The following ANO7 variants were observed in gnomAD, a reference collection of about 807,000 sequenced individuals.
The protein encoded by ANO7 is anoctamin-7.
ANO7 carries 114 observed loss-of-function variants against 115.8 expected under a neutral mutation model. The observed-to-expected ratio is 0.98, with a 90% confidence interval of 0.85 to 1.15. The LOEUF is 1.15. Ranked by LOEUF, ANO7 falls within the 50% of genes most tolerant of loss-of-function variation. The probability of loss-of-function intolerance (pLI) is 0.00; values close to 1 mark genes in which losing one functional copy is unlikely to be tolerated. For synonymous variants in ANO7, 550 were observed against 498.2 expected (o/e 1.10, Z -1.38); for missense variants, 1,302 against 1,201.2 (o/e 1.08, Z -1.24).
intron 24 of ANO7, 29 bp from the exon 25 acceptor site, chr2:241,224,068 C>G (rs2069096884): frequency 1.2e-6 from 2 of 1,613,664 alleles, no homozygotes; most frequent in South Asian, 1.1e-5. Context: ...CCTAGTCTGA[C>G]TTGTCCCTGC....
intron 7 of ANO7, 55 bp from the exon 8 acceptor site, chr2:241,202,139 C>G (rs1372374604): frequency 6.7e-7 from 1 of 1,500,016 alleles, no homozygotes; most frequent in East Asian, 2.3e-5. Flanking sequence ...CTAGGACTTC[C>G]CTGTTCTGCT....
In ANO7 at chr2:241,203,859, C is replaced by T. The variant is rs561919814; in HGVS notation, c.889+361C>T. Among the ~76,000 whole-genome samples the T allele has an allele frequency of 6.6e-6, 1 of 152,052 alleles. No individual in the cohort carries two copies. The highest frequency in any genetic ancestry group is 1.5e-5 in the Non-Finnish European group (1 of 67,986). On this transcript the variant is annotated intron_variant, in intron 9 of 24. Transcript: ENST00000674324. The surrounding 1 kb of genome is among the most constrained non-coding windows in gnomAD (Gnocchi z 4.8). ...CGCCCCTGCCTGGGTCCAGGCCAAG[C>T]CTCTCATCTCCTCCAAGCAGGCCAT...
In ANO7 at chr2:241,214,921, C is replaced by T. The variant is rs751724861; in HGVS notation, c.1826+19C>T. The T allele has an allele frequency of 6.2e-7, 1 of 1,607,364 alleles. No individual in the cohort carries two copies. The highest frequency in any genetic ancestry group is 1.1e-5 in the South Asian group (1 of 90,920). On this transcript the variant is annotated intron_variant, in intron 18 of 24. Transcript: ENST00000674324. Reference sequence around the variant, plus strand: ...TCATCCCGTGAGTCCCCCACTCCTCCCTGGGTGGCATCCAAGGACCGAGGG... The same window carrying T: ...TCATCCCGTGAGTCCCCCACTCCTCTCTGGGTGGCATCCAAGGACCGAGGG...
intron 11 of ANO7, 103 bp from the exon 12 acceptor site, chr2:241,209,182 T>C: frequency 1.5e-6 from 2 of 1,299,304 alleles, no homozygotes; most frequent in Non-Finnish European, 2.1e-6. Context: ...AGTCGGGGGA[T>C]GTGTGTGGGA....
At chr2:241,198,641 C>T (rs1447037573) in intron 4 of ANO7, among the ~76,000 whole-genome samples, 3 of 152,186 alleles carry the variant, frequency 2.0e-5, no homozygotes, top group South Asian at 2.1e-4. Context: ...AAGGTGGGGC[C>T]GGGACTTTGG....
At chr2:241,200,608 G>A (rs2068449073) in intron 6 of ANO7, among the ~76,000 whole-genome samples, 2 of 152,216 alleles carry the variant, frequency 1.3e-5, no homozygotes, top group Admixed American at 1.3e-4. Flanking sequence ...GACACGTTTG[G>A]CCCATGCTGG....
At chr2:241,226,090 C>T (rs2069161775), downstream of ANO7, among the ~76,000 whole-genome samples, 1 of 152,104 alleles carries the variant, frequency 6.6e-6, no homozygotes, top group Non-Finnish European at 1.5e-5. Flanking sequence ...CATCACCCGA[C>T]GTGGAAGCTC....
In ANO7 at chr2:241,188,846, C is replaced by G. The variant is rs2068118978; in HGVS notation, c.-8+80C>G. The G allele has an allele frequency of 1.3e-6, 2 of 1,523,460 alleles. No homozygotes were observed. The allele number at this position is 1,523,460 out of a possible 1,614,324, so 94.4% of individuals were successfully genotyped here. A position where few individuals can be genotyped will look rare whatever the true frequency, so the allele number is the denominator to read the frequency against. ...CTAGGGAGGCAGGGCGGCACCCCAG[C>G]CCACCGGGACTTTCACACACCCTGG... On this transcript the variant is annotated intron_variant, in intron 1 of 24. Coordinates refer to ENST00000674324, the MANE Select transcript of ANO7 (RefSeq NM_001370694.2). The surrounding 1 kb of genome is among the most constrained non-coding windows in gnomAD (Gnocchi z 4.3).
chr2:241,200,201 G>T lies in ANO7; in HGVS notation c.530G>T (p.Arg177Leu), dbSNP rs369064125. Reference sequence around the variant, plus strand: ...GTACCCCCCGAGTACTACTCCTGCCGGTTCAGAGTGAACAAGCTGCCACGG... The same window carrying T: ...GTACCCCCCGAGTACTACTCCTGCCTGTTCAGAGTGAACAAGCTGCCACGG... ...PDVPPEYYSC[R>L]FRVNKLPRFL... The change falls in exon 6 of 25, where the codon CGG becomes CTG. Residue 177 changes from arginine (R) to leucine (L), a missense_variant. Physicochemically the swap from Arg to Leu is moderately radical, Grantham distance 102. Coordinates refer to ENST00000674324, the MANE Select transcript of ANO7 (RefSeq NM_001370694.2). 1 of 1,612,992 alleles carries T rather than the reference G, an allele frequency of 6.2e-7. No homozygotes were observed. The highest frequency in any genetic ancestry group is 1.1e-5 in the South Asian group (1 of 91,060).
chr2:241,215,648 G>A (rs376927075), intron 18 of ANO7, among the ~76,000 whole-genome samples: 4 of 152,328 alleles, frequency 2.6e-5, no homozygotes, highest in South Asian at 2.1e-4. Flanking sequence ...AGCAGGGCAC[G>A]GATGAGTGAC....
Position 241,209,319 on chromosome 2 carries a change from T to A in ANO7, c.1112T>A (p.Phe371Tyr), listed in dbSNP as rs1172313804. ...CTGTTCGACCACGGCGGCACCGTGT[T>A]CTTCAGCTTGTTCATGGCACTGTGG... ...GRLFDHGGTV[F>Y]FSLFMALWAV... The change falls in exon 12 of 25, where the codon TTC becomes TAC. Residue 371 changes from phenylalanine (F) to tyrosine (Y), a missense_variant. Transcript: ENST00000674324. The A allele has an allele frequency of 1.9e-6, 3 of 1,570,156 alleles. No homozygotes were observed. In the African/African-American group the frequency reaches 4.1e-5, roughly 21 times the overall value.
At chr2:241,192,339 A>T (rs889773259) in intron 3 of ANO7, among the ~76,000 whole-genome samples, 1 of 152,042 alleles carries the variant, frequency 6.6e-6, no homozygotes, top group Non-Finnish European at 1.5e-5. Context: ...GAAAAAAAAA[A>T]GTACCACGGC....
Position 241,217,732 on chromosome 2 carries a change from C to A in ANO7, c.2019C>A (p.Leu673=). The A allele has an allele frequency of 6.2e-7, 1 of 1,602,532 alleles. No homozygotes were observed. Among genetic ancestry groups the A allele is most frequent in the South Asian group, 1.1e-5 (1 of 89,468 alleles). ...FVTIFVAACP[L]APLFALLNNW... ...CCATCTTCGTGGCCGCCTGTCCGCT[C>A]GCGCCGCTCTTCGCCCTGCTCAACA... Residue 673 remains leucine (L), a synonymous_variant, in exon 20 of 25, where the codon CTC becomes CTA. Transcript: ENST00000674324.
the ANO7 span, chr2:241,235,105 G>T: frequency 6.2e-7 from 1 of 1,610,356 alleles, no homozygotes. Context: ...CAGTGCCCCG[G>T]CCACCTCCTG....
rs916911664 is a variant in ANO7, at chr2:241,225,871, C to T, written c.*1718C>T. Among the ~76,000 whole-genome samples, 1 of 152,206 alleles carries T rather than the reference C, an allele frequency of 6.6e-6. No homozygotes were observed. Among genetic ancestry groups the T allele is most frequent in the African/African-American group, 2.4e-5 (1 of 41,452 alleles). On this transcript the variant is annotated 3_prime_UTR_variant, in exon 25 of 25. Transcript: ENST00000674324. Reference sequence around the variant, plus strand: ...TTGGAAACTTTACACAGATGGGGAGCTCAGCCATTCCACGTGTGCTTTCGC... The same window carrying T: ...TTGGAAACTTTACACAGATGGGGAGTTCAGCCATTCCACGTGTGCTTTCGC...
chr2:241,208,920 C>G (rs35948137), intron 11 of ANO7, among the ~76,000 whole-genome samples: 1 of 151,516 alleles, frequency 6.6e-6, no homozygotes, highest in South Asian at 2.1e-4. Flanking sequence ...GAGGCCAAGG[C>G]GGGTGGATCA....
the ANO7 span, chr2:241,239,493 G>T: frequency 3.5e-6 from 3 of 854,686 alleles, no homozygotes; most frequent in Non-Finnish European, 5.7e-6. This position sits in a 1 kb window ranked among gnomAD's most constrained non-coding sequence, Gnocchi z 4.6. Context: ...GCCTTCCAGG[G>T]CTGTATGAGG....
intron 2 of ANO7, among the ~76,000 whole-genome samples, chr2:241,190,758 A>G (rs2074835): frequency 0.5 from 76,607 of 151,988 alleles, 19,896 homozygotes; most frequent in East Asian, 0.7. Flanking sequence ...CTCTCACCTC[A>G]AGCATCCAGA....
At chr2:241,238,778 C>T in the ANO7 span, 3 of 1,506,302 alleles carry the variant, frequency 2.0e-6, no homozygotes, top group East Asian at 7.2e-5. This position sits in a 1 kb window ranked among gnomAD's most constrained non-coding sequence, Gnocchi z 4.9. Flanking sequence ...TCTAATGTCA[C>T]CTGAGCTTCC....
Sources: allele counts gnomAD v4.1 joint callset (sites outside exome capture counted in the v4.1 genomes callset), GRCh38; gene constraint gnomAD v4.1.1; non-coding constraint Gnocchi (gnomAD v3.1); transcripts MANE v1.5; gene names NCBI Gene and HGNC (gene_info 2026-07-23, HGNC 2026-07-21).